The following UBE2L3 variants were observed in gnomAD, a reference collection of about 807,000 sequenced individuals.
UBE2L3 encodes the protein ubiquitin-conjugating enzyme E2 L3.
A neutral mutation model predicts 17.8 loss-of-function variants in UBE2L3; 1 was observed. That is an observed-to-expected ratio of 0.06 (90% confidence interval 0.02 to 0.27). The LOEUF is 0.27. Among genes scored for constraint, UBE2L3 ranks in the 10% least tolerant of loss-of-function variants. The pLI, the probability that UBE2L3 is intolerant of heterozygous loss-of-function variation, is 1.00. For missense variants in UBE2L3, 40 were observed against 192.6 expected (o/e 0.21, Z 4.69); for synonymous variants, 44 against 68.5 (o/e 0.64, Z 1.76).
chr22:21,575,784 C>T (rs1927255705), intron 1 of UBE2L3, among the ~76,000 whole-genome samples: 1 of 150,632 alleles, frequency 6.6e-6, no homozygotes, highest in African/African-American at 2.4e-5. Flanking sequence ...GCTGGAACTA[C>T]AGATATGCGC....
chr22:21,561,837 A>G (rs1394266512), intron 1 of UBE2L3, among the ~76,000 whole-genome samples: 1 of 152,236 alleles, frequency 6.6e-6, no homozygotes, highest in Non-Finnish European at 1.5e-5. Flanking sequence ...TGCATGCTCT[A>G]GATGAGGTCC....
chr22:21,597,775 A>ATTTTTTT lies in UBE2L3; in HGVS notation c.123+4845_123+4851dup, dbSNP rs35054754. 4.4e-3 allele frequency among the ~76,000 whole-genome samples: 112 copies of ATTTTTTT among 25,600 alleles called. 26 individuals are homozygous for ATTTTTTT. Among genetic ancestry groups the ATTTTTTT allele is most frequent in the East Asian group, 0.019 (17 of 894 alleles). 16.8% of individuals were successfully genotyped at this position (25,600 alleles called of 152,430 possible). A position where few individuals can be genotyped will look rare whatever the true frequency, so the allele number is the denominator to read the frequency against. On this transcript the variant is annotated intron_variant, in intron 2 of 3. Transcript: ENST00000342192. ...GGATCTTTGATCCATTTATATGTAG[A>ATTTTTTT]TTTTTTTTTTTTTTTTTTTTTTTTT...
At position 21,568,256 on chromosome 22, in the gene UBE2L3, C is replaced by T. The variant is rs1027108747; in HGVS notation, c.27+485C>T. On this transcript the variant is annotated intron_variant, in intron 1 of 3. Transcript: ENST00000342192. Reference sequence around the variant, plus strand: ...CCGCAGCTCGGGAGTCTGGGAGGTTCGGGCTAGGAAAGAGAGAAGGAGGCC... The same window carrying T: ...CCGCAGCTCGGGAGTCTGGGAGGTTTGGGCTAGGAAAGAGAGAAGGAGGCC... 26 of 986,906 alleles carry T rather than the reference C, an allele frequency of 2.6e-5. No homozygotes were observed. The African/African-American group carries it at 4.4e-4, about 17-fold the overall frequency. 61.1% of individuals were successfully genotyped at this position (986,906 alleles called of 1,614,324 possible). A position where few individuals can be genotyped will look rare whatever the true frequency, so the allele number is the denominator to read the frequency against.
In UBE2L3 at chr22:21,567,741, C is replaced by T. The variant is rs1363125441; in HGVS notation, c.-4C>T. On this transcript the variant is annotated 5_prime_UTR_variant, in exon 1 of 4. Coordinates refer to ENST00000342192, the MANE Select transcript of UBE2L3 (RefSeq NM_003347.4). ...TCTGGGGAAGGAGCAGCACCAAATC[C>T]AAGATGGCGGCCAGCAGGAGGCTGA... 4 of 1,582,048 alleles carry T rather than the reference C, an allele frequency of 2.5e-6. No individual in the cohort carries two copies. Among genetic ancestry groups the T allele is most frequent in the African/African-American group, 1.3e-5 (1 of 74,754 alleles).
chr22:21,576,733 C>T (rs868815511), intron 1 of UBE2L3, among the ~76,000 whole-genome samples: 1 of 151,690 alleles, frequency 6.6e-6, no homozygotes, highest in African/African-American at 2.4e-5. Context: ...TGCGCCTGGC[C>T]GAAAGCAACT....
chr22:21,607,987 A>G (rs1216078369), intron 2 of UBE2L3, among the ~76,000 whole-genome samples: 1 of 152,244 alleles, frequency 6.6e-6, no homozygotes, highest in East Asian at 1.9e-4. Context: ...CTCTACTTGT[A>G]TCTTCAGAAA....
intron 2 of UBE2L3, among the ~76,000 whole-genome samples, chr22:21,604,920 A>G (rs1352368916): frequency 1.3e-5 from 2 of 152,158 alleles, no homozygotes; most frequent in Non-Finnish European, 2.9e-5. Context: ...TGCCTCATGT[A>G]GTAACAGAAC....
At chr22:21,560,016 C>G (rs1360468148) in intron 1 of UBE2L3, among the ~76,000 whole-genome samples, 1 of 152,286 alleles carries the variant, frequency 6.6e-6, no homozygotes, top group African/African-American at 2.4e-5. Flanking sequence ...CTGGCTGGGG[C>G]CCCCTGGCCT....
At chr22:21,598,211 T>TGTGTGTGTGTGTGTGTG (rs1555885650) in intron 2 of UBE2L3, among the ~76,000 whole-genome samples, 152 of 98,180 alleles carry the variant, frequency 1.5e-3, no homozygotes, top group African/African-American at 3.9e-3. Flanking sequence ...GTGTGTGTGT[T>TGTGTGTGTGTGTGTGTG]TTTCATTTAT....
chr22:21,563,222 AC>A (rs1431658279), upstream of UBE2L3, among the ~76,000 whole-genome samples: 596 of 121,314 alleles, frequency 4.9e-3, no homozygotes, highest in Middle Eastern at 0.044. Flanking sequence ...AGCCTGGGCG[AC>A]AGGGCAAGAC....
chr22:21,598,059 C>T (rs891307245), intron 2 of UBE2L3, among the ~76,000 whole-genome samples: 2 of 151,124 alleles, frequency 1.3e-5, no homozygotes, highest in Admixed American at 1.3e-4. Context: ...CCTTAGCCTC[C>T]CAAAGTGCTG....
chr22:21,564,342 G>A (rs1210315083), upstream of UBE2L3, among the ~76,000 whole-genome samples: 2 of 152,100 alleles, frequency 1.3e-5, no homozygotes, highest in Non-Finnish European at 2.9e-5. Flanking sequence ...ACTTCTGATG[G>A]GAGGCTTGGG....
At chr22:21,567,555 A>G, upstream of UBE2L3, 1 of 1,289,290 alleles carries the variant, frequency 7.8e-7, no homozygotes, top group Non-Finnish European at 1.0e-6. Flanking sequence ...GTAAACGCTG[A>G]GGCCCAGTCT....
upstream of UBE2L3, among the ~76,000 whole-genome samples, chr22:21,563,256 A>AAC (rs1555882928): frequency 8.7e-5 from 12 of 137,736 alleles, no homozygotes; most frequent in African/African-American, 3.3e-4. Flanking sequence ...AAAAAAAAAA[A>AAC]AAAATTTATT....
chr22:21,602,955 T>C (rs1413720497), intron 2 of UBE2L3, among the ~76,000 whole-genome samples: 2 of 152,168 alleles, frequency 1.3e-5, no homozygotes, highest in Non-Finnish European at 2.9e-5. Context: ...ACTTGCTCCA[T>C]TTCCAAATGC....
intron 3 of UBE2L3, among the ~76,000 whole-genome samples, chr22:21,618,981 G>C (rs1026116120): frequency 5.9e-5 from 9 of 152,142 alleles, no homozygotes; most frequent in Non-Finnish European, 8.8e-5. Flanking sequence ...TGCCCCTAAC[G>C]AAGTACTCAG....
chr22:21,556,875 GAA>G (rs1435526203), intron 1 of UBE2L3, among the ~76,000 whole-genome samples: 3 of 152,242 alleles, frequency 2.0e-5, no homozygotes, highest in Non-Finnish European at 4.4e-5. Context: ...CCAATATGGT[GAA>G]ACCCTGTCTC....
In UBE2L3 at chr22:21,562,093, C is replaced by G. The variant is rs555657306; in HGVS notation, c.201+12443C>G. Among the ~76,000 whole-genome samples the G allele has an allele frequency of 2.7e-3, 416 of 152,112 alleles. 2 individuals are homozygous for G. Among genetic ancestry groups the G allele is most frequent in the Middle Eastern group, 0.02 (6 of 294 alleles). On this transcript the variant is annotated intron_variant, in intron 1 of 3. Transcript: ENST00000458578. ...GCGAGGCCCCTCCTCTGAGCCCCCA[C>G]ACCTCATCAAACCCTCAACACCGTC...
rs1926709505 is a variant in UBE2L3, at chr22:21,567,765, G to A, written c.21G>A (p.Leu7=). The change falls in exon 1 of 4, where the codon CTG becomes CTA. Residue 7 remains leucine, a synonymous_variant. Coordinates refer to ENST00000342192, the MANE Select transcript of UBE2L3 (RefSeq NM_003347.4). The stretch of plus-strand genomic sequence containing the variant: ...CCAAGATGGCGGCCAGCAGGAGGCT[G>A]ATGAAGGTAAAAGCCATTCTCTGGC... MAASRR[L]MKELEEIRKC... 2 of 1,584,174 alleles carry A rather than the reference G, an allele frequency of 1.3e-6. No individual in the cohort carries two copies. Among genetic ancestry groups the A allele is most frequent in the Middle Eastern group, 1.7e-4 (1 of 5,980 alleles).
Sources: gnomAD v4.1 joint callset for allele counts (sites outside exome capture counted in the v4.1 genomes callset) on GRCh38, gnomAD v4.1.1 for gene constraint, MANE v1.5 for transcripts, NCBI Gene and HGNC (gene_info 2026-07-23, HGNC 2026-07-21) for gene names.